Variants in N4BP3 observed in about 807,000 individuals in gnomAD.
N4BP3 encodes the protein NEDD4 binding protein 3, also known as NEDD4-binding protein 3.
N4BP3 carries 33 observed loss-of-function variants against 43.8 expected under a neutral mutation model. That is an observed-to-expected ratio of 0.75 (90% CI 0.57 to 1.01). N4BP3 has a LOEUF of 1.01. N4BP3 is among the 50% of genes least tolerant of loss of function. The pLI is 0.00. For missense variants in N4BP3, 756 were observed against 744.2 expected, an observed-to-expected ratio of 1.02 and a Z score of -0.18; for synonymous variants, 326 against 321.9, an observed-to-expected ratio of 1.01 and a Z score of -0.14.
chr5:178,121,971 G>C lies in N4BP3; in HGVS notation c.1605G>C (p.Trp535Cys), dbSNP rs752963716. The change falls in exon 5 of 5, where the codon TGG becomes TGC. Residue 535 changes from tryptophan (W) to cysteine (C), a missense_variant. Physicochemically the swap from Trp to Cys is radical, Grantham distance 215. Coordinates refer to ENST00000274605, the MANE Select transcript of N4BP3 (RefSeq NM_015111.2). ...CACTGCGGGAGCCCCCCACACCCTG[G>C]AGTCCCCGGCTCGAGTCCTCCAAGA... is the stretch of plus-strand genomic sequence containing the variant. ...LRALREPPTP[W>C]SPRLESSKI 1.9e-6 allele frequency: 3 copies of C among 1,605,736 alleles called. No homozygotes were observed. Among genetic ancestry groups the C allele is most frequent in the Non-Finnish European group, 2.6e-6 (3 of 1,176,190 alleles).
At position 178,121,240 on chromosome 5, in the gene N4BP3, G is replaced by A. The variant is rs1238691423; in HGVS notation, c.995G>A (p.Arg332His). 7 of 1,604,296 alleles carry A rather than the reference G, an allele frequency of 4.4e-6. No individual in the cohort carries two copies. The Admixed American group carries it at 1.0e-4, about 24-fold the overall frequency. Residue 332 changes from arginine (R) to histidine (H), a missense_variant, in exon 4 of 5, where the codon CGC becomes CAC. By Grantham distance (29) the Arg-to-His change is conservative (BLOSUM62 0). Coordinates refer to ENST00000274605, the MANE Select transcript of N4BP3 (RefSeq NM_015111.2). ...TTTATGGCTCAGCAGGAGCAGCGGCGCCTGCGCAAGGAGCTGCGGGCTCAG... is the reference window on the plus strand; with the variant it reads ...TTTATGGCTCAGCAGGAGCAGCGGCACCTGCGCAAGGAGCTGCGGGCTCAG... ...QLFMAQQEQR[R>H]LRKELRAQQG...
rs1466404524 is a variant in N4BP3 at position 178,113,676 on chromosome 5, G to A, written c.-126G>A. On this transcript the variant is annotated 5_prime_UTR_variant, in exon 1 of 5. Coordinates refer to ENST00000274605, the MANE Select transcript of N4BP3 (RefSeq NM_015111.2). The stretch of plus-strand genomic sequence containing the variant: ...CCGACCCGGCACGCAGTCCCGGCCC[G>A]AGCCGACGCCTTGCAGGAGGGTTCA... The A allele has an allele frequency of 1.3e-5, 2 of 151,972 alleles. No individual in the cohort carries two copies. The highest frequency in any genetic ancestry group is 2.9e-5 in the Non-Finnish European group (2 of 67,954). The allele number at this position is 151,972 out of a possible 1,614,324, so 9.4% of individuals were successfully genotyped here.
rs547040339 is a variant in N4BP3 at position 178,120,283 on chromosome 5, A to C, written c.436A>C (p.Asn146His). 1 of 1,610,552 alleles carries C rather than the reference A, an allele frequency of 6.2e-7. No homozygotes were observed. The highest frequency in any genetic ancestry group is 2.2e-5 in the East Asian group (1 of 44,790). ...SHKGQKLWRS[N>H]GSLHTLACHP... is the part of the protein sequence containing the mutation. ...CAAAGGCCAGAAGCTGTGGCGCAGCAATGGCAGCCTGCACACGCTGGCCTG... is the reference window on the plus strand; with the variant it reads ...CAAAGGCCAGAAGCTGTGGCGCAGCCATGGCAGCCTGCACACGCTGGCCTG... The change falls in exon 3 of 5, where the codon AAT becomes CAT. Residue 146 changes from asparagine to histidine, a missense_variant. Transcript: ENST00000274605.
chr5:178,121,418 C>T (rs912333232), intron 4 of N4BP3, 56 bp from the exon 5 acceptor site: 4 of 1,613,282 alleles, frequency 2.5e-6, no homozygotes, highest in Non-Finnish European at 1.7e-6. Context: ...TCTGCCTGCC[C>T]CCTCCCAAAC....
In N4BP3 at chr5:178,125,390, AT is replaced by A; in HGVS notation, c.*3390del. ...AACTAGGGACAACAGAGGGGCCTCC[AT>A]GGTGGCATGGGTCAGCAGAGCATGG... On this transcript the variant is annotated 3_prime_UTR_variant, in exon 5 of 5. Coordinates refer to ENST00000274605, the MANE Select transcript of N4BP3 (RefSeq NM_015111.2). The A allele has an allele frequency of 6.6e-6, 1 of 152,378 alleles. No individual in the cohort carries two copies. Among genetic ancestry groups the A allele is most frequent in the Non-Finnish European group, 1.5e-5 (1 of 68,152 alleles). The allele number at this position is 152,378 out of a possible 1,614,324, so 9.4% of individuals were successfully genotyped here. A position where few individuals can be genotyped will look rare whatever the true frequency, so the allele number is the denominator to read the frequency against.
At chr5:178,117,427 C>T (rs554740705) in intron 1 of N4BP3, among the ~76,000 whole-genome samples, 3 of 152,146 alleles carry the variant, frequency 2.0e-5, no homozygotes, top group East Asian at 3.9e-4. Context: ...AGTCACTTCA[C>T]CTTTCTGAGC....
chr5:178,119,974 T>C, intron 2 of N4BP3, 61 bp downstream of exon 2: 4 of 1,511,054 alleles, frequency 2.6e-6, no homozygotes, highest in Non-Finnish European at 3.6e-6. Flanking sequence ...TTGGAGACCC[T>C]GATGTTGGGA....
chr5:178,126,710 A>G (rs1018511102), downstream of N4BP3, among the ~76,000 whole-genome samples: 1 of 152,072 alleles, frequency 6.6e-6, no homozygotes, highest in Non-Finnish European at 1.5e-5. Flanking sequence ...AAGGAATGCC[A>G]TTGTCTTGAG....
chr5:178,114,080 C>A (rs1757712418), intron 1 of N4BP3, among the ~76,000 whole-genome samples: 1 of 152,154 alleles, frequency 6.6e-6, no homozygotes, highest in African/African-American at 2.4e-5. Flanking sequence ...GCGCGGGACC[C>A]CTGCGCCACG....
At chr5:178,119,462 G>A (rs1343336443) in intron 1 of N4BP3, 92 bp from the exon 2 acceptor site, 2 of 907,104 alleles carry the variant, frequency 2.2e-6, no homozygotes, top group African/African-American at 1.7e-5. Flanking sequence ...AGGTTGTGGG[G>A]AGCTACAGGG....
In N4BP3 at chr5:178,122,526, G is replaced by C. The variant is rs1166823255; in HGVS notation, c.*525G>C. On this transcript the variant is annotated 3_prime_UTR_variant, in exon 5 of 5. Coordinates refer to ENST00000274605, the MANE Select transcript of N4BP3 (RefSeq NM_015111.2). ...CAGTGGGAGGGTGTGCCCTGCGCCT[G>C]TCTGCATGGCCACTGGGCATGTGTG... 6.4e-6 allele frequency: 1 copy of C among 157,322 alleles called. No individual in the cohort carries two copies. The allele number at this position is 157,322 out of a possible 1,614,324, so 9.7% of individuals were successfully genotyped here.
chr5:178,119,526 GC>G (rs1264788934), intron 1 of N4BP3, 27 bp from the exon 2 acceptor site: 1 of 1,479,108 alleles, frequency 6.8e-7, no homozygotes, highest in Non-Finnish European at 9.1e-7. Context: ...GTGCTCACCT[GC>G]CCCTAATGGA....
At chr5:178,116,835 G>T (rs530973852) in intron 1 of N4BP3, among the ~76,000 whole-genome samples, 1 of 152,172 alleles carries the variant, frequency 6.6e-6, no homozygotes. Context: ...TGAGGTGGGC[G>T]TATTTGGCAC....
intron 1 of N4BP3, among the ~76,000 whole-genome samples, chr5:178,114,144 C>T (rs533191997): frequency 3.0e-4 from 46 of 152,336 alleles, no homozygotes; most frequent in African/African-American, 5.1e-4. Context: ...CCTCCGCCCC[C>T]CGGCCCAGCC....
rs1006165967 is a variant in N4BP3 at position 178,113,630 on chromosome 5, G to C, written c.-172G>C. The C allele has an allele frequency of 6.6e-6, 1 of 151,848 alleles. No homozygotes were observed. Among genetic ancestry groups the C allele is most frequent in the East Asian group, 1.9e-4 (1 of 5,150 alleles). 9.4% of individuals were successfully genotyped at this position (151,848 alleles called of 1,614,324 possible). The stretch of plus-strand genomic sequence containing the variant: ...CGCCGGCGCCCGCCCGCGTTTTCCC[G>C]GCGCCTGCCGCTCCGCCGCTCCGAC... On this transcript the variant is annotated 5_prime_UTR_variant, in exon 1 of 5. Transcript: ENST00000274605.
intron 1 of N4BP3, among the ~76,000 whole-genome samples, 174 bp downstream of exon 1, chr5:178,113,945 G>A (rs1417337484): frequency 6.6e-6 from 1 of 152,184 alleles, no homozygotes; most frequent in Non-Finnish European, 1.5e-5. Context: ...GTGCGCCCAG[G>A]TGTCCCCTGC....
At position 178,119,643 on chromosome 5, in the gene N4BP3, A is replaced by G. The variant is rs201620638; in HGVS notation, c.60A>G (p.Glu20=). 21 of 1,588,178 alleles carry G rather than the reference A, an allele frequency of 1.3e-5. No homozygotes were observed. The highest frequency in any genetic ancestry group is 1.4e-5 in the Non-Finnish European group (16 of 1,167,158). The change falls in exon 2 of 5, where the codon GAA becomes GAG. Residue 20 remains glutamate (E), a synonymous_variant. Coordinates refer to ENST00000274605, the MANE Select transcript of N4BP3 (RefSeq NM_015111.2). ...IAMGSVGSLL[E]RQDFSPEELR... ...TGGGCAGCGTGGGCAGCCTGTTGGAACGGCAGGACTTCTCCCCTGAAGAGC... is the reference window on the plus strand; with the variant it reads ...TGGGCAGCGTGGGCAGCCTGTTGGAGCGGCAGGACTTCTCCCCTGAAGAGC...
At position 178,122,013 on chromosome 5, in the gene N4BP3, C is replaced by A; in HGVS notation, c.*12C>A. ...CCTCCAAGATCTGAGGCCAGCAGAGCGAGCTGACAGCAGCAACACTGTCAG... is the reference window on the plus strand; with the variant it reads ...CCTCCAAGATCTGAGGCCAGCAGAGAGAGCTGACAGCAGCAACACTGTCAG... On this transcript the variant is annotated 3_prime_UTR_variant, in exon 5 of 5. Coordinates refer to ENST00000274605, the MANE Select transcript of N4BP3 (RefSeq NM_015111.2). 1 of 1,572,664 alleles carries A rather than the reference C, an allele frequency of 6.4e-7. No individual in the cohort carries two copies. The highest frequency in any genetic ancestry group is 8.6e-7 in the Non-Finnish European group (1 of 1,160,334).
Position 178,118,489 on chromosome 5 carries a change from G to A in N4BP3, c.-30-1065G>A, listed in dbSNP as rs1034189554. Among the ~76,000 whole-genome samples, 9 of 152,174 alleles carry A rather than the reference G, an allele frequency of 5.9e-5. No individual in the cohort carries two copies. Among genetic ancestry groups the A allele is most frequent in the African/African-American group, 1.7e-4 (7 of 41,432 alleles). ...GTTAGGATTTGGGACCCACCCTGCC[G>A]GGTGGTGGGCTTTGGAATAAGAGCA... On this transcript the variant is annotated intron_variant, in intron 1 of 4. Coordinates refer to ENST00000274605, the MANE Select transcript of N4BP3 (RefSeq NM_015111.2). The surrounding 1 kb of genome is among the most constrained non-coding windows in gnomAD (Gnocchi z 5.4).
Sources: gnomAD v4.1 joint callset for allele counts (sites outside exome capture counted in the v4.1 genomes callset) on GRCh38, gnomAD v4.1.1 for gene constraint, Gnocchi (gnomAD v3.1) non-coding constraint, MANE v1.5 for transcripts, NCBI Gene and HGNC (gene_info 2026-07-23, HGNC 2026-07-21) for gene names.